ARHGEF10: variants seen among roughly 807,000 people sequenced by gnomAD.
ARHGEF10 encodes the protein Rho guanine nucleotide exchange factor 10.
Under a neutral mutation model 147.4 loss-of-function variants are expected in ARHGEF10, and 140 were observed. That is an observed-to-expected ratio of 0.95 (90% confidence interval 0.83 to 1.09). The LOEUF is 1.09. Among genes scored for constraint, ARHGEF10 ranks in the 50% least tolerant of loss-of-function variants. The pLI is 0.00. For synonymous variants in ARHGEF10, 902 were observed against 695.8 expected, an observed-to-expected ratio of 1.30 and a Z score of -4.67; for missense variants, 2,222 against 1,752.7, an observed-to-expected ratio of 1.27 and a Z score of -4.78.
At chr8:1,926,688 A>G (rs1812719400) in intron 23 of ARHGEF10, 6 of 599,188 alleles carry the variant, frequency 1.0e-5, no homozygotes. Context: ...CTTTTCATCT[A>G]AAACATTTAC....
chr8:1,879,397 A>G (rs949062057), intron 8 of ARHGEF10, among the ~76,000 whole-genome samples: 2 of 152,180 alleles, frequency 1.3e-5, no homozygotes, highest in African/African-American at 4.8e-5. Flanking sequence ...ATTTTTATTT[A>G]TTGGATAATT....
At chr8:1,864,488 G>A in intron 5 of ARHGEF10, 52 bp downstream of exon 5, 1 of 1,574,290 alleles carries the variant, frequency 6.4e-7, no homozygotes, top group African/African-American at 1.3e-5. Flanking sequence ...TTCTCCTGAG[G>A]AGCTGGACGT....
At chr8:1,866,917 G>C (rs983477784) in intron 6 of ARHGEF10, among the ~76,000 whole-genome samples, 1 of 152,074 alleles carries the variant, frequency 6.6e-6, no homozygotes, top group Admixed American at 6.5e-5. Flanking sequence ...CTGCAGCCAT[G>C]GTCAGCCACC....
intron 4 of ARHGEF10, 95 bp from the exon 5 acceptor site, chr8:1,864,278 G>A: frequency 1.6e-6 from 2 of 1,253,048 alleles, no homozygotes; most frequent in South Asian, 1.2e-5. Flanking sequence ...CTGATTGATA[G>A]GAAAGTGTGA....
At chr8:1,886,490 A>T (rs1808669097) in intron 11 of ARHGEF10, among the ~76,000 whole-genome samples, 2 of 152,204 alleles carry the variant, frequency 1.3e-5, no homozygotes, top group African/African-American at 4.8e-5. Context: ...TTAAAAAGAG[A>T]TGAAAAGGGA....
At chr8:1,914,576 G>T (rs574416462) in intron 18 of ARHGEF10, among the ~76,000 whole-genome samples, 2 of 152,352 alleles carry the variant, frequency 1.3e-5, no homozygotes, top group South Asian at 4.1e-4. Flanking sequence ...AAGGTGAGAG[G>T]ACAGGCACAG....
intron 25 of ARHGEF10, among the ~76,000 whole-genome samples, chr8:1,933,446 C>G (rs1042817984): frequency 6.6e-6 from 1 of 151,662 alleles, no homozygotes; most frequent in Non-Finnish European, 1.5e-5. Flanking sequence ...ACTTTTGATA[C>G]AACCTTTGCG....
intron 27 of ARHGEF10, 64 bp from the exon 28 acceptor site, chr8:1,952,641 G>C (rs945627910): frequency 7.5e-6 from 12 of 1,604,084 alleles, no homozygotes; most frequent in Admixed American, 1.7e-5. Context: ...CCAGCACCCC[G>C]TCACCGCCCC....
At chr8:1,902,399 AT>A (rs1318707212) in intron 15 of ARHGEF10, among the ~76,000 whole-genome samples, 5 of 152,002 alleles carry the variant, frequency 3.3e-5, no homozygotes, top group Non-Finnish European at 7.4e-5. Context: ...GCAGTGCGTC[AT>A]TTTTTGCTGG....
intron 11 of ARHGEF10, among the ~76,000 whole-genome samples, chr8:1,889,072 G>T (rs1809120133): frequency 9.4e-6 from 1 of 106,148 alleles, no homozygotes; most frequent in Admixed American, 9.2e-5. Context: ...GACAGTGATT[G>T]GGGTGAGGGG....
intron 25 of ARHGEF10, among the ~76,000 whole-genome samples, chr8:1,932,178 AT>A (rs1290276257): frequency 6.6e-6 from 1 of 152,096 alleles, no homozygotes; most frequent in Non-Finnish European, 1.5e-5. Flanking sequence ...GAGCCCACAT[AT>A]TTCTGGAGGT....
intron 2 of ARHGEF10, among the ~76,000 whole-genome samples, chr8:1,857,155 A>G (rs1399485128): frequency 6.6e-6 from 1 of 152,202 alleles, no homozygotes; most frequent in African/African-American, 2.4e-5. Context: ...ATTTTAAGCT[A>G]TATATCGGTG....
intron 1 of ARHGEF10, among the ~76,000 whole-genome samples, chr8:1,828,498 C>T (rs973279383): frequency 6.2e-5 from 9 of 144,102 alleles, no homozygotes; most frequent in Non-Finnish European, 1.1e-4. Context: ...TGCACACTTA[C>T]GGTTTTAAGG....
At chr8:1,827,652 T>C (rs186456681) in intron 1 of ARHGEF10, among the ~76,000 whole-genome samples, 2 of 152,360 alleles carry the variant, frequency 1.3e-5, no homozygotes, top group African/African-American at 4.8e-5. Flanking sequence ...CCTTCCATCA[T>C]TGCCATTTCC....
chr8:1,855,810 G>T (rs1315315463), intron 2 of ARHGEF10, among the ~76,000 whole-genome samples: 1 of 152,012 alleles, frequency 6.6e-6, no homozygotes, highest in African/African-American at 2.4e-5. Flanking sequence ...GGAAATGACA[G>T]TTGCATTTGG....
intron 1 of ARHGEF10, among the ~76,000 whole-genome samples, chr8:1,836,422 T>C (rs956989864): frequency 2.6e-5 from 4 of 151,974 alleles, no homozygotes; most frequent in African/African-American, 9.7e-5. Context: ...AGCCCCACCA[T>C]TGAAAACGAT....
rs141573110 is a variant in ARHGEF10 at position 1,859,997 on chromosome 8, G to A, written c.294G>A (p.Thr98=). 2.9e-5 allele frequency: 46 copies of A among 1,614,012 alleles called. No homozygotes were observed. The highest frequency in any genetic ancestry group is 4.5e-5 in the East Asian group (2 of 44,882). The change falls in exon 4 of 29, where the codon ACG becomes ACA. Residue 98 remains threonine (T), a synonymous_variant. Coordinates refer to ENST00000349830, the MANE Select transcript of ARHGEF10 (RefSeq NM_014629.4). ...KVNPYSVIDI[T]PFQEDQPPTP... ...ACCCATATTCTGTCATCGACATCAC[G>A]CCATTCCAGGAGGACCAGCCGCCCA...
At chr8:1,900,789 A>C (rs774348771) in intron 15 of ARHGEF10, among the ~76,000 whole-genome samples, 3 of 152,164 alleles carry the variant, frequency 2.0e-5, no homozygotes, top group Non-Finnish European at 4.4e-5. Context: ...GCTCTTCCAG[A>C]TCGTCACCAG....
intron 1 of ARHGEF10, among the ~76,000 whole-genome samples, chr8:1,835,266 G>C (rs1004680015): frequency 6.6e-5 from 10 of 152,216 alleles, no homozygotes; most frequent in African/African-American, 1.4e-4. Context: ...TAAGTGAAGA[G>C]CGGGGCACTT....
Sources: gnomAD v4.1 joint callset for allele counts (sites outside exome capture counted in the v4.1 genomes callset) on GRCh38, gnomAD v4.1.1 for gene constraint, MANE v1.5 for transcripts, NCBI Gene and HGNC (gene_info 2026-07-23, HGNC 2026-07-21) for gene names.